The following OR9Q1 variants were observed in gnomAD, a reference collection of about 807,000 sequenced individuals.
The protein encoded by OR9Q1 is olfactory receptor 9Q1.
For synonymous variants in OR9Q1, 153 were observed against 148.6 expected (o/e 1.03, Z -0.22); for missense variants, 374 against 378.8 (o/e 0.99, Z 0.11).
intron 2 of OR9Q1, among the ~76,000 whole-genome samples, chr11:58,065,256 TAGAG>T (rs1021658411): frequency 2.0e-5 from 3 of 151,992 alleles, no homozygotes. Flanking sequence ...CACAGACACA[TAGAG>T]AGACTGGTAG....
At chr11:58,132,665 A>G (rs1016345823) in intron 2 of OR9Q1, among the ~76,000 whole-genome samples, 6 of 152,096 alleles carry the variant, frequency 3.9e-5, no homozygotes, top group African/African-American at 1.2e-4. Flanking sequence ...GTTGATGACA[A>G]CTCCTCAAAG....
chr11:58,053,337 C>G (rs1853286691), intron 1 of OR9Q1, among the ~76,000 whole-genome samples: 1 of 150,420 alleles, frequency 6.6e-6, no homozygotes, highest in Non-Finnish European at 1.5e-5. Flanking sequence ...TCTCAGTAAA[C>G]TATCGCAAGG....
intron 2 of OR9Q1, among the ~76,000 whole-genome samples, chr11:58,145,892 T>A (rs1008067730): frequency 3.3e-5 from 5 of 152,250 alleles, no homozygotes; most frequent in Admixed American, 6.5e-5. Flanking sequence ...AGTGTGGATA[T>A]CAGCTTTGAT....
At chr11:58,148,813 C>T (rs774900076) in intron 2 of OR9Q1, among the ~76,000 whole-genome samples, 4 of 152,100 alleles carry the variant, frequency 2.6e-5, no homozygotes, top group Non-Finnish European at 4.4e-5. Flanking sequence ...TGGGGAAAGC[C>T]GATAGAAGTT....
chr11:58,164,033 C>T (rs1272305041), intron 2 of OR9Q1, among the ~76,000 whole-genome samples: 1 of 152,048 alleles, frequency 6.6e-6, no homozygotes, highest in Non-Finnish European at 1.5e-5. Context: ...TCCTTGGAGA[C>T]CCACACTGGC....
intron 1 of OR9Q1, among the ~76,000 whole-genome samples, chr11:58,042,726 T>C (rs1853177937): frequency 6.6e-6 from 1 of 152,220 alleles, no homozygotes; most frequent in African/African-American, 2.4e-5. Context: ...AATCTATAAA[T>C]GACCTTGGGC....
At chr11:58,136,713 T>C (rs1854192965) in intron 2 of OR9Q1, among the ~76,000 whole-genome samples, 1 of 152,166 alleles carries the variant, frequency 6.6e-6, no homozygotes, top group Admixed American at 6.5e-5. Context: ...ACCTTAGTCT[T>C]TAAAATATTC....
chr11:58,039,599 C>T (rs1853139877), intron 1 of OR9Q1, among the ~76,000 whole-genome samples: 1 of 152,224 alleles, frequency 6.6e-6, no homozygotes, highest in South Asian at 2.1e-4. Flanking sequence ...TCCTTTAGAG[C>T]AGACTTTGCA....
chr11:58,070,910 T>C (rs1296213433), intron 2 of OR9Q1, among the ~76,000 whole-genome samples: 1 of 152,210 alleles, frequency 6.6e-6, no homozygotes, highest in East Asian at 1.9e-4. Context: ...GTCCAGCCCA[T>C]TCCCTTCTGC....
At chr11:58,053,937 T>A (rs1853301438) in intron 1 of OR9Q1, among the ~76,000 whole-genome samples, 1 of 152,066 alleles carries the variant, frequency 6.6e-6, no homozygotes, top group South Asian at 2.1e-4. Context: ...AATACAGTAT[T>A]GTTTACTTGA....
At chr11:58,089,185 T>C (rs1452712643) in intron 2 of OR9Q1, among the ~76,000 whole-genome samples, 2 of 151,792 alleles carry the variant, frequency 1.3e-5, no homozygotes, top group African/African-American at 4.9e-5. Flanking sequence ...GCCGTTGCAA[T>C]TGGATTTAGT....
intron 2 of OR9Q1, among the ~76,000 whole-genome samples, chr11:58,157,202 T>G (rs575913006): frequency 1.1e-4 from 16 of 152,278 alleles, no homozygotes; most frequent in African/African-American, 3.1e-4. Flanking sequence ...GTCCAGGGTC[T>G]GCTCAGGCCT....
intron 2 of OR9Q1, among the ~76,000 whole-genome samples, chr11:58,172,516 CT>C (rs2119951669): frequency 6.6e-6 from 1 of 152,046 alleles, no homozygotes; most frequent in South Asian, 2.1e-4. Context: ...TTCTCCATGC[CT>C]TTTTGAGGTT....
At chr11:58,117,440 C>T (rs1053898067) in intron 2 of OR9Q1, 1 of 152,122 alleles carries the variant, frequency 6.6e-6, no homozygotes, top group African/African-American at 2.4e-5. Context: ...CTATGTTTTT[C>T]CCATTTGCCA....
At chr11:58,048,602 G>A (rs1853244014) in intron 1 of OR9Q1, among the ~76,000 whole-genome samples, 1 of 150,854 alleles carries the variant, frequency 6.6e-6, no homozygotes, top group Admixed American at 6.6e-5. Context: ...TCAGGAGGTG[G>A]AGGTTGCAGT....
chr11:58,128,519 T>C (rs1565084680), intron 2 of OR9Q1, among the ~76,000 whole-genome samples: 1 of 152,118 alleles, frequency 6.6e-6, no homozygotes, highest in Non-Finnish European at 1.5e-5. Context: ...ATTTGAGAAG[T>C]TTGAACAGTA....
At chr11:58,038,448 T>A (rs2119933939) in intron 1 of OR9Q1, among the ~76,000 whole-genome samples, 1 of 152,336 alleles carries the variant, frequency 6.6e-6, no homozygotes, top group South Asian at 2.1e-4. Flanking sequence ...AGGATTAACC[T>A]AGCATAGATA....
intron 1 of OR9Q1, among the ~76,000 whole-genome samples, chr11:58,043,494 C>A (rs1853186605): frequency 6.6e-6 from 1 of 152,158 alleles, no homozygotes; most frequent in Admixed American, 6.5e-5. Flanking sequence ...AGAATAGAGT[C>A]CATGCTCCAG....
intron 2 of OR9Q1, chr11:58,077,225 C>T (rs979671371): frequency 6.6e-6 from 1 of 152,102 alleles, no homozygotes; most frequent in Admixed American, 6.6e-5. Flanking sequence ...GCAGGATGTT[C>T]ACAAATGGGA....
Sources: allele counts gnomAD v4.1 joint callset (sites outside exome capture counted in the v4.1 genomes callset), GRCh38; gene constraint gnomAD v4.1.1; transcripts MANE v1.5; gene names NCBI Gene and HGNC (gene_info 2026-07-23, HGNC 2026-07-21).